GPR137C: variants seen among roughly 807,000 people sequenced by gnomAD.
GPR137C encodes G protein-coupled receptor 137C.
Under a neutral mutation model 43.4 loss-of-function variants are expected in GPR137C, and 27 were observed. The observed-to-expected ratio is 0.62, with a 90% CI of 0.46 to 0.86. The LOEUF is 0.86. Ranked by LOEUF, GPR137C falls within the 40% of genes least tolerant of loss-of-function variation. The probability of loss-of-function intolerance (pLI) is 0.00; values close to 1 mark genes in which losing one functional copy is unlikely to be tolerated. For missense variants in GPR137C, 522 were observed against 534.6 expected, an observed-to-expected ratio of 0.98 and a Z score of 0.23; for synonymous variants, 285 against 226.9, an observed-to-expected ratio of 1.26 and a Z score of -2.30.
At chr14:52,570,434 T>C (rs960466208) in intron 1 of GPR137C, among the ~76,000 whole-genome samples, 11 of 152,110 alleles carry the variant, frequency 7.2e-5, no homozygotes, top group Non-Finnish European at 8.8e-5. Context: ...AGAAACTGCA[T>C]CGACTAACGG....
intron 1 of GPR137C, among the ~76,000 whole-genome samples, chr14:52,588,120 C>G (rs527745736): frequency 1.1e-4 from 17 of 152,292 alleles, no homozygotes; most frequent in African/African-American, 4.1e-4. Flanking sequence ...ATAAATACCA[C>G]TTTAACCAGT....
At chr14:52,623,552 T>G (rs2039184872) in intron 3 of GPR137C, among the ~76,000 whole-genome samples, 3 of 152,202 alleles carry the variant, frequency 2.0e-5, no homozygotes, top group Non-Finnish European at 4.4e-5. Flanking sequence ...TCTGAATGAT[T>G]GGTCTCAAAG....
At chr14:52,610,597 C>T (rs766633059) in intron 3 of GPR137C, among the ~76,000 whole-genome samples, 2 of 152,086 alleles carry the variant, frequency 1.3e-5, no homozygotes, top group Non-Finnish European at 2.9e-5. Flanking sequence ...AAAAGTAGTA[C>T]ATATCGGGTT....
At chr14:52,605,845 T>G (rs774833667) in intron 3 of GPR137C, among the ~76,000 whole-genome samples, 1 of 152,230 alleles carries the variant, frequency 6.6e-6, no homozygotes, top group Non-Finnish European at 1.5e-5. Flanking sequence ...TATATCACAT[T>G]TGTTGATTTG....
intron 1 of GPR137C, among the ~76,000 whole-genome samples, chr14:52,577,789 A>G (rs1182171292): frequency 8.1e-6 from 1 of 122,730 alleles, no homozygotes; most frequent in African/African-American, 3.2e-5. Context: ...ATAGCAAAAC[A>G]CCATCTCTAC....
intron 1 of GPR137C, among the ~76,000 whole-genome samples, chr14:52,563,419 G>A (rs1349682051): frequency 5.3e-5 from 8 of 152,056 alleles, no homozygotes; most frequent in Non-Finnish European, 8.8e-5. Context: ...CATCTTCATG[G>A]TATCTGATGC....
chr14:52,578,759 C>T lies in GPR137C; in HGVS notation c.445-19513C>T, dbSNP rs969943995. On this transcript the variant is annotated intron_variant, in intron 1 of 6. Transcript: ENST00000321662. ...AGGAGTTCGAGACCAGCCTGGCCAG[C>T]GTGGCAAAACCGTGTCTCTACTAAA... Among the ~76,000 whole-genome samples, 7 of 152,134 alleles carry T rather than the reference C, an allele frequency of 4.6e-5. No individual in the cohort carries two copies. In the East Asian group the frequency reaches 9.7e-4, roughly 21 times the overall value.
At position 52,556,515 on chromosome 14, in the gene GPR137C, AGAG is replaced by A. The variant is rs553470882; in HGVS notation, c.444+2926_444+2928del. On this transcript the variant is annotated intron_variant, in intron 1 of 6. Transcript: ENST00000321662. ...CCTCCTGGAAGCCTATAGTTGAGAGAGAGGGGGAAAAAAAAAAGAAAAGCCACC... is the reference window on the plus strand; with the variant it reads ...CCTCCTGGAAGCCTATAGTTGAGAGAGGGGAAAAAAAAAAGAAAAGCCACC... Among the ~76,000 whole-genome samples, 194 of 150,778 alleles carry A rather than the reference AGAG, an allele frequency of 1.3e-3. 1 individual carries two copies. Among genetic ancestry groups the A allele is most frequent in the African/African-American group, 4.7e-3 (192 of 41,172 alleles).
chr14:52,553,147 C>T lies in GPR137C; in HGVS notation c.-1C>T. On this transcript the variant is annotated 5_prime_UTR_variant, in exon 1 of 7. Transcript: ENST00000321662. ...TCGCTCGCCCGGCCCCCAGCCCCCT[C>T]ATGAGGGTGTCCGTGCCGGGTCCGG... 4 of 1,169,988 alleles carry T rather than the reference C, an allele frequency of 3.4e-6. No individual in the cohort carries two copies. Among genetic ancestry groups the T allele is most frequent in the Non-Finnish European group, 4.2e-6 (4 of 950,666 alleles). 72.5% of individuals were successfully genotyped at this position (1,169,988 alleles called of 1,614,324 possible). A position where few individuals can be genotyped will look rare whatever the true frequency, so the allele number is the denominator to read the frequency against.
chr14:52,586,396 G>A (rs907913647), intron 1 of GPR137C, among the ~76,000 whole-genome samples: 1 of 152,186 alleles, frequency 6.6e-6, no homozygotes, highest in Non-Finnish European at 1.5e-5. Flanking sequence ...CTTCTGCTCT[G>A]TCAATCTGAA....
At chr14:52,573,958 A>G (rs1378431690) in intron 1 of GPR137C, among the ~76,000 whole-genome samples, 1 of 150,148 alleles carries the variant, frequency 6.7e-6, no homozygotes. Flanking sequence ...GGCCACAAAC[A>G]TATGAAAAAA....
At chr14:52,608,992 G>A (rs1193520427) in intron 3 of GPR137C, among the ~76,000 whole-genome samples, 7 of 152,064 alleles carry the variant, frequency 4.6e-5, no homozygotes, top group Non-Finnish European at 1.0e-4. Context: ...GAAGTTTTCT[G>A]TTATTATTTC....
intron 1 of GPR137C, 53 bp downstream of exon 1, chr14:52,553,644 G>T: frequency 7.4e-7 from 1 of 1,343,346 alleles, no homozygotes; most frequent in East Asian, 2.6e-5. Flanking sequence ...GGGGCCGCCG[G>T]GATCAACTCC....
At chr14:52,616,995 C>T (rs1296151117) in intron 3 of GPR137C, among the ~76,000 whole-genome samples, 5 of 152,158 alleles carry the variant, frequency 3.3e-5, no homozygotes, top group Non-Finnish European at 5.9e-5. Context: ...ATTGTCTATA[C>T]AGTGTCTCCA....
intron 3 of GPR137C, among the ~76,000 whole-genome samples, chr14:52,603,719 A>G (rs1362955075): frequency 1.3e-5 from 2 of 151,982 alleles, no homozygotes; most frequent in Non-Finnish European, 2.9e-5. Context: ...TTGTGTTATT[A>G]GTAGAGACGG....
chr14:52,631,780 G>A (rs2039296395), intron 3 of GPR137C, among the ~76,000 whole-genome samples: 1 of 152,202 alleles, frequency 6.6e-6, no homozygotes, highest in African/African-American at 2.4e-5. Flanking sequence ...CAGAAATTAA[G>A]TGTATCAAAT....
chr14:52,568,193 C>A (rs1235030371), intron 1 of GPR137C, among the ~76,000 whole-genome samples: 1 of 152,140 alleles, frequency 6.6e-6, no homozygotes, highest in Non-Finnish European at 1.5e-5. Context: ...ACCCGGGAAG[C>A]CCAAGGGGTC....
intron 3 of GPR137C, among the ~76,000 whole-genome samples, chr14:52,608,478 T>C (rs2039006144): frequency 6.6e-6 from 1 of 152,240 alleles, no homozygotes; most frequent in Non-Finnish European, 1.5e-5. Flanking sequence ...ATTGTAGTCA[T>C]TATTTTTAAT....
intron 1 of GPR137C, among the ~76,000 whole-genome samples, chr14:52,576,472 G>T (rs1014011753): frequency 8.6e-5 from 13 of 151,962 alleles, no homozygotes; most frequent in African/African-American, 3.1e-4. Flanking sequence ...TTTCCCTTTG[G>T]GTATATACCC....
Sources: allele counts gnomAD v4.1 joint callset (sites outside exome capture counted in the v4.1 genomes callset), GRCh38; gene constraint gnomAD v4.1.1; transcripts MANE v1.5; gene names NCBI Gene and HGNC (gene_info 2026-07-23, HGNC 2026-07-21).